The following CEP128 variants were observed in gnomAD, a reference collection of about 807,000 sequenced individuals.
The protein encoded by CEP128 is centrosomal protein 128, also known as centrosomal protein 128kDa.
In CEP128, 132 loss-of-function variants were observed where a neutral mutation model predicts 156.7. The observed-to-expected ratio is 0.84, with a 90% CI of 0.73 to 0.97. CEP128 has a LOEUF of 0.97. Ranked by LOEUF, CEP128 falls within the 50% of genes least tolerant of loss-of-function variation. The pLI is 0.00. For missense variants in CEP128, 1,252 were observed against 1,281.9 expected, an observed-to-expected ratio of 0.98 and a Z score of 0.36; for synonymous variants, 469 against 448.9, an observed-to-expected ratio of 1.04 and a Z score of -0.57.
chr14:80,645,803 A>G (rs1894608037), intron 19 of CEP128, among the ~76,000 whole-genome samples: 2 of 152,166 alleles, frequency 1.3e-5, no homozygotes, highest in African/African-American at 2.4e-5. Context: ...TAATTGCCCA[A>G]ACTTGGAAGC....
At chr14:80,662,138 A>G (rs10220319) in intron 19 of CEP128, among the ~76,000 whole-genome samples, 1 of 152,082 alleles carries the variant, frequency 6.6e-6, no homozygotes, top group South Asian at 2.1e-4. Context: ...ATCAGAGTAC[A>G]TTTGTTGAAA....
chr14:80,933,848 A>T (rs1222415618), intron 2 of CEP128, among the ~76,000 whole-genome samples: 1 of 152,234 alleles, frequency 6.6e-6, no homozygotes, highest in Admixed American at 6.5e-5. Context: ...AAGCAGAAGC[A>T]CTGTGTATAA....
At chr14:80,857,558 C>T (rs1381786857) in intron 9 of CEP128, among the ~76,000 whole-genome samples, 1 of 151,584 alleles carries the variant, frequency 6.6e-6, no homozygotes, top group African/African-American at 2.4e-5. Context: ...TATGGTAAAA[C>T]CCCATCTCTA....
intron 23 of CEP128, among the ~76,000 whole-genome samples, chr14:80,508,901 G>A (rs1222626075): frequency 6.6e-6 from 1 of 152,180 alleles, no homozygotes; most frequent in Non-Finnish European, 1.5e-5. Context: ...ACTGGAGACT[G>A]GGTAGTTTAT....
intron 15 of CEP128, among the ~76,000 whole-genome samples, chr14:80,781,028 G>A (rs1440587063): frequency 6.6e-6 from 1 of 152,236 alleles, no homozygotes; most frequent in East Asian, 1.9e-4. Flanking sequence ...ATCCATAAAA[G>A]AAGTACAAAA....
At chr14:80,557,472 G>T (rs1890484841) in intron 21 of CEP128, among the ~76,000 whole-genome samples, 1 of 152,094 alleles carries the variant, frequency 6.6e-6, no homozygotes, top group Non-Finnish European at 1.5e-5. Context: ...CCAAATCCAG[G>T]TCTTCAAACT....
downstream of CEP128, among the ~76,000 whole-genome samples, chr14:80,489,782 G>A (rs761801404): frequency 6.6e-6 from 1 of 152,008 alleles, no homozygotes; most frequent in Non-Finnish European, 1.5e-5. Context: ...CATCTCCAGT[G>A]GAAGTGGAAA....
intron 6 of CEP128, among the ~76,000 whole-genome samples, chr14:80,901,234 G>A (rs1408702201): frequency 2.2e-4 from 33 of 151,908 alleles, no homozygotes; most frequent in Admixed American, 2.2e-3. Flanking sequence ...AAGAGGCTTG[G>A]GGGTATGATA....
rs200437867 is a variant in CEP128 at position 80,938,412 on chromosome 14, AT to A, written c.-16+972del. Among the ~76,000 whole-genome samples the A allele has an allele frequency of 4.6e-3, 700 of 151,778 alleles. 15 individuals are homozygous for A. Among genetic ancestry groups the A allele is most frequent in the Admixed American group, 0.029 (447 of 15,240 alleles). On this transcript the variant is annotated intron_variant, in intron 2 of 24. Coordinates refer to ENST00000555265, the MANE Select transcript of CEP128 (RefSeq NM_152446.5). ...CAGGCGCCTGCCACCACGCCTGGTA[AT>A]TTTTTTGTATTTTTTAGTAGAGACA...
At chr14:80,614,699 T>C (rs917861119) in intron 19 of CEP128, among the ~76,000 whole-genome samples, 1 of 152,208 alleles carries the variant, frequency 6.6e-6, no homozygotes, top group African/African-American at 2.4e-5. Context: ...TACCTTCTAC[T>C]AAACCTTTGA....
intron 19 of CEP128, among the ~76,000 whole-genome samples, chr14:80,681,910 T>G (rs772369741): frequency 6.6e-6 from 1 of 151,908 alleles, no homozygotes; most frequent in African/African-American, 2.4e-5. Flanking sequence ...TTGAGACCAG[T>G]CTGGGCAACA....
chr14:80,590,272 G>A (rs894958354), intron 19 of CEP128, among the ~76,000 whole-genome samples: 2 of 152,058 alleles, frequency 1.3e-5, no homozygotes, highest in African/African-American at 4.8e-5. Context: ...GAACCCGAAA[G>A]AAGATAAATA....
At chr14:80,797,715 T>C (rs1416241016) in intron 13 of CEP128, among the ~76,000 whole-genome samples, 1 of 152,050 alleles carries the variant, frequency 6.6e-6, no homozygotes, top group Non-Finnish European at 1.5e-5. Context: ...ACACATACAC[T>C]CTCACTCACA....
exon 15 of CEP128, chr14:80,478,158 G>C (rs544436417): frequency 3.9e-5 from 6 of 152,202 alleles, no homozygotes; most frequent in Admixed American, 3.9e-4. Flanking sequence ...GGGCAGAAAA[G>C]TATTTAAATT....
At chr14:80,631,528 G>A (rs1182774315) in intron 19 of CEP128, among the ~76,000 whole-genome samples, 3 of 151,982 alleles carry the variant, frequency 2.0e-5, no homozygotes, top group African/African-American at 7.2e-5. Flanking sequence ...TATATTCAAA[G>A]ATAACACTAC....
intron 19 of CEP128, among the ~76,000 whole-genome samples, chr14:80,701,195 C>T (rs1261500500): frequency 3.9e-5 from 6 of 152,116 alleles, no homozygotes; most frequent in Non-Finnish European, 8.8e-5. Context: ...AGACTCAAGA[C>T]TTAATCTGTG....
intron 19 of CEP128, among the ~76,000 whole-genome samples, chr14:80,581,857 G>A (rs1171812378): frequency 6.6e-6 from 1 of 152,126 alleles, no homozygotes; most frequent in Non-Finnish European, 1.5e-5. Context: ...TTGCATTGTG[G>A]CATTGTAGCT....
At position 80,594,838 on chromosome 14, in the gene CEP128, G is replaced by A. The variant is rs191829990; in HGVS notation, c.2807-14415C>T. Among the ~76,000 whole-genome samples, 186 of 152,312 alleles carry A rather than the reference G, an allele frequency of 1.2e-3. 4 individuals carry two copies. In the Middle Eastern group the frequency reaches 0.027, roughly 22 times the overall value. On this transcript the variant is annotated intron_variant, in intron 19 of 24. Transcript: ENST00000555265. ...TCAGGAAACAACAGATCCTGGAGAG[G>A]ATGTGCAGAAATAGGAACACTTTTA...
chr14:80,579,648 A>G (rs923729585), intron 20 of CEP128, among the ~76,000 whole-genome samples: 5 of 152,192 alleles, frequency 3.3e-5, no homozygotes, highest in Non-Finnish European at 7.3e-5. Flanking sequence ...AGGCCCATGA[A>G]GAACTCTAAA....
Sources: gnomAD v4.1 joint callset for allele counts (sites outside exome capture counted in the v4.1 genomes callset) on GRCh38, gnomAD v4.1.1 for gene constraint, MANE v1.5 for transcripts, NCBI Gene and HGNC (gene_info 2026-07-23, HGNC 2026-07-21) for gene names.